CSMD1: variants seen among roughly 807,000 people sequenced by gnomAD.
CSMD1 encodes CUB and Sushi multiple domains 1, also known as CUB and sushi domain-containing protein 1.
A neutral mutation model predicts 417.5 loss-of-function variants in CSMD1; 213 were observed. The observed-to-expected ratio is 0.51, with a 90% CI of 0.46 to 0.57. The LOEUF (loss-of-function observed/expected upper bound fraction) is 0.57. CSMD1 is among the 20% of genes least tolerant of loss of function. The probability of loss-of-function intolerance (pLI) is 0.00; values close to 1 mark genes in which losing one functional copy is unlikely to be tolerated. For missense variants in CSMD1, 6,923 were observed against 4,529.7 expected, an observed-to-expected ratio of 1.53 and a Z score of -15.17; for synonymous variants, 2,862 against 1,736.8, an observed-to-expected ratio of 1.65 and a Z score of -16.11.
At chr8:4,802,352 C>CGTGTGTGT (rs34030430) in intron 1 of CSMD1, among the ~76,000 whole-genome samples, 38 of 146,406 alleles carry the variant, frequency 2.6e-4, no homozygotes, top group Non-Finnish European at 2.7e-4. Context: ...TGTGTGCGCG[C>CGTGTGTGT]GTGTGTGTGT....
intron 5 of CSMD1, among the ~76,000 whole-genome samples, chr8:3,883,474 G>A (rs116873884): frequency 6.6e-6 from 1 of 152,142 alleles, no homozygotes; most frequent in Admixed American, 6.6e-5. Context: ...GTGTATATAT[G>A]TATATGCACA....
intron 12 of CSMD1, among the ~76,000 whole-genome samples, chr8:3,422,862 A>G (rs906997228): frequency 7.9e-5 from 12 of 152,198 alleles, no homozygotes; most frequent in Admixed American, 4.6e-4. Flanking sequence ...CTTCGAAAAC[A>G]GTGCCATGAA....
chr8:3,345,601 C>T (rs1189380886), intron 22 of CSMD1, among the ~76,000 whole-genome samples: 1 of 152,122 alleles, frequency 6.6e-6, no homozygotes, highest in East Asian at 1.9e-4. Context: ...TATTTTTTCA[C>T]CTATAAGTAG....
At chr8:4,676,432 C>T (rs1486123634) in intron 1 of CSMD1, among the ~76,000 whole-genome samples, 3 of 152,128 alleles carry the variant, frequency 2.0e-5, no homozygotes, top group Non-Finnish European at 4.4e-5. Context: ...GGAGCCTCTG[C>T]AGCTGCTGGA....
chr8:3,359,088 G>T, intron 21 of CSMD1, 64 bp downstream of exon 21: 1 of 1,535,926 alleles, frequency 6.5e-7, no homozygotes, highest in East Asian at 2.3e-5. Flanking sequence ...ACCACCCTAG[G>T]CTTCTTGCCT....
At chr8:4,022,023 A>C (rs910717495) in intron 4 of CSMD1, among the ~76,000 whole-genome samples, 20 of 151,788 alleles carry the variant, frequency 1.3e-4, no homozygotes, top group African/African-American at 4.6e-4. Context: ...AACACTGGAA[A>C]GTCCAGGTGC....
intron 12 of CSMD1, among the ~76,000 whole-genome samples, chr8:3,447,399 T>C (rs1392723209): frequency 1.3e-5 from 2 of 152,084 alleles, no homozygotes; most frequent in Non-Finnish European, 2.9e-5. Flanking sequence ...ATGGCTTAGG[T>C]TTTACCCAAA....
chr8:4,516,548 G>T (rs1023530266), intron 2 of CSMD1, among the ~76,000 whole-genome samples: 13 of 152,028 alleles, frequency 8.6e-5, no homozygotes, highest in Non-Finnish European at 1.3e-4. Context: ...TGCTTGGTGT[G>T]GCCCCCAGCC....
chr8:3,998,853 A>G (rs1001002161), intron 4 of CSMD1, among the ~76,000 whole-genome samples: 1 of 150,400 alleles, frequency 6.6e-6, no homozygotes, highest in Non-Finnish European at 1.5e-5. Flanking sequence ...TATTATATGC[A>G]TTTTAAACTA....
intron 10 of CSMD1, among the ~76,000 whole-genome samples, chr8:3,522,623 T>A (rs752163806): frequency 1.1e-4 from 16 of 151,984 alleles, no homozygotes; most frequent in Non-Finnish European, 2.2e-4. Flanking sequence ...GAAGGGTAGA[T>A]GATCACATGG....
At chr8:4,747,129 G>A (rs1277785158) in intron 1 of CSMD1, among the ~76,000 whole-genome samples, 1 of 152,158 alleles carries the variant, frequency 6.6e-6, no homozygotes, top group African/African-American at 2.4e-5. Flanking sequence ...CTGCTCCTAA[G>A]AGGTTGAAGA....
chr8:3,010,998 T>C (rs891894204), intron 52 of CSMD1, among the ~76,000 whole-genome samples: 2 of 152,122 alleles, frequency 1.3e-5, no homozygotes, highest in African/African-American at 4.8e-5. Flanking sequence ...AGTGCTGGGA[T>C]TACAGGCGTG....
intron 3 of CSMD1, among the ~76,000 whole-genome samples, chr8:4,113,280 C>G (rs146091118): frequency 5.3e-4 from 80 of 151,268 alleles, no homozygotes; most frequent in African/African-American, 1.8e-3. Context: ...AAATCAAAAG[C>G]TAGAAATGAT....
intron 3 of CSMD1, among the ~76,000 whole-genome samples, chr8:4,131,380 C>G (rs1020327250): frequency 6.6e-6 from 1 of 152,174 alleles, no homozygotes. Flanking sequence ...ATATTCTAAT[C>G]ACATCCCTTA....
chr8:3,293,646 C>T (rs1010212300), intron 25 of CSMD1, among the ~76,000 whole-genome samples: 8 of 152,276 alleles, frequency 5.3e-5, no homozygotes, highest in Non-Finnish European at 7.3e-5. Flanking sequence ...GCATTTGTCA[C>T]GTAGTCCTCG....
intron 12 of CSMD1, among the ~76,000 whole-genome samples, chr8:3,417,695 C>A (rs942452397): frequency 4.6e-5 from 7 of 152,192 alleles, no homozygotes; most frequent in Non-Finnish European, 8.8e-5. Context: ...GTGCAACTGA[C>A]CACACTGTGC....
At chr8:3,451,582 C>T (rs1815719725) in intron 12 of CSMD1, among the ~76,000 whole-genome samples, 1 of 152,150 alleles carries the variant, frequency 6.6e-6, no homozygotes, top group African/African-American at 2.4e-5. Flanking sequence ...AATCCTTTCC[C>T]CATTTCCTGT....
chr8:4,255,162 T>A (rs1803366062), intron 3 of CSMD1, among the ~76,000 whole-genome samples: 1 of 152,206 alleles, frequency 6.6e-6, no homozygotes, highest in Non-Finnish European at 1.5e-5. Flanking sequence ...TACATAGAGC[T>A]TTATCCCATG....
intron 3 of CSMD1, among the ~76,000 whole-genome samples, chr8:4,335,868 G>A (rs1800136337): frequency 6.6e-6 from 1 of 152,048 alleles, no homozygotes; most frequent in East Asian, 1.9e-4. Context: ...AGAACAGGGG[G>A]ACGAGAAAGT....
Sources: gnomAD v4.1 joint callset for allele counts (sites outside exome capture counted in the v4.1 genomes callset) on GRCh38, gnomAD v4.1.1 for gene constraint, MANE v1.5 for transcripts, NCBI Gene and HGNC (gene_info 2026-07-23, HGNC 2026-07-21) for gene names.